The following HDLBP variants were observed in gnomAD, a reference collection of about 807,000 sequenced individuals.
The protein encoded by HDLBP is vigilin.
HDLBP carries 30 observed loss-of-function variants against 137.3 expected under a neutral mutation model. The ratio of observed to expected loss-of-function variants is 0.22; its 90% CI spans 0.16 to 0.30. The LOEUF (loss-of-function observed/expected upper bound fraction) is 0.30. HDLBP is among the 10% of genes least tolerant of loss of function. The pLI, the probability that HDLBP is intolerant of heterozygous loss-of-function variation, is 1.00. For synonymous variants in HDLBP, 606 were observed against 596.0 expected (o/e 1.02, Z -0.24); for missense variants, 1,119 against 1,667.3 (o/e 0.67, Z 5.73).
chr2:241,255,550 C>T lies in HDLBP; in HGVS notation c.904G>A (p.Val302Met). Residue 302 changes from valine to methionine, a missense_variant, in exon 8 of 28, where the codon GTG becomes ATG. Around this residue, in one of 4 missense-constraint regions of HDLBP, gnomAD observed 425 missense variants for 693.9 expected, o/e 0.61. Coordinates refer to ENST00000310931, the MANE Select transcript of HDLBP (RefSeq NM_005336.6). ...ACATACTTGTGTTGGGATTTCTTCA[C>T]TTCCACTGCAATGGTTGTAGTCTTC... ...KKKTTTIAVE[V>M]KKSQHKYVIG... 6.2e-7 allele frequency: 1 copy of T among 1,614,088 alleles called. No individual in the cohort carries two copies. Among genetic ancestry groups the T allele is most frequent in the Non-Finnish European group, 8.5e-7 (1 of 1,179,912 alleles).
At chr2:241,242,423 C>A (rs777647265) in intron 17 of HDLBP, 37 bp downstream of exon 17, 11 of 1,566,974 alleles carry the variant, frequency 7.0e-6, no homozygotes, top group South Asian at 3.4e-5. Flanking sequence ...GAGGACCAGG[C>A]TTCCTGCCAA....
chr2:241,297,847 G>T (rs1049642335), intron 1 of HDLBP, among the ~76,000 whole-genome samples: 2 of 151,878 alleles, frequency 1.3e-5, no homozygotes, highest in African/African-American at 4.8e-5. Flanking sequence ...GAGGTCAGGA[G>T]TTCAAGACCG....
At chr2:241,234,072 T>C (rs1161674979) in intron 23 of HDLBP, 109 bp from the exon 24 acceptor site, 4 of 1,302,322 alleles carry the variant, frequency 3.1e-6, no homozygotes, top group Non-Finnish European at 4.3e-6. Flanking sequence ...CAGTGTTCTG[T>C]AACCCGTGGT....
At chr2:241,249,734 G>C (rs1405095802) in intron 12 of HDLBP, 107 bp downstream of exon 12, 1 of 1,132,162 alleles carries the variant, frequency 8.8e-7, no homozygotes, top group Non-Finnish European at 1.2e-6. Context: ...CGTGGGATTT[G>C]TCGACTTCCA....
Position 241,272,218 on chromosome 2 carries a change from G to A in HDLBP, c.-102-3677C>T. The A allele has an allele frequency of 2.0e-6, 2 of 981,182 alleles. No individual in the cohort carries two copies. Among genetic ancestry groups the A allele is most frequent in the Non-Finnish European group, 2.4e-6 (2 of 826,232 alleles). The allele number at this position is 981,182 out of a possible 1,614,324, so 60.8% of individuals were successfully genotyped here. On this transcript the variant is annotated intron_variant, in intron 1 of 27. Transcript: ENST00000310931. The surrounding 1 kb of genome is among the most constrained non-coding windows in gnomAD (Gnocchi z 5.6). The stretch of plus-strand genomic sequence containing the variant: ...GTGGAGGTGCTGCGGGGGCCCCGCC[G>A]CCCGGTCTGCGCCCAGACCCCCGCC...
chr2:241,288,809 G>A (rs1359671213), intron 1 of HDLBP, among the ~76,000 whole-genome samples: 1 of 152,130 alleles, frequency 6.6e-6, no homozygotes, highest in Non-Finnish European at 1.5e-5. Context: ...CCTGGGAAGG[G>A]GATGGGAACA....
chr2:241,246,898 A>G lies in HDLBP; in HGVS notation c.1819-15T>C. ...TCTTCACGAATCTACAGGGAGAGAG[A>G]TCACCATGAGAAGCTGACTAGAGCT... On this transcript the variant is annotated splice_polypyrimidine_tract_variant and intron_variant, in intron 15 of 27. Coordinates refer to ENST00000310931, the MANE Select transcript of HDLBP (RefSeq NM_005336.6). The G allele has an allele frequency of 2.5e-6, 4 of 1,614,002 alleles. No homozygotes were observed. The highest frequency in any genetic ancestry group is 3.4e-6 in the Non-Finnish European group (4 of 1,179,866).
intron 20 of HDLBP, 126 bp from the exon 21 acceptor site, chr2:241,236,895 C>T (rs1383023715): frequency 1.4e-5 from 13 of 932,522 alleles, no homozygotes; most frequent in Non-Finnish European, 1.6e-5. Flanking sequence ...AAAACCACTC[C>T]TGTCCTTCAG....
At chr2:241,314,544 G>A (rs1559567056) in intron 1 of HDLBP, among the ~76,000 whole-genome samples, 1 of 152,188 alleles carries the variant, frequency 6.6e-6, no homozygotes, top group Non-Finnish European at 1.5e-5. Context: ...AAATCGTCAT[G>A]TTCCTTAAGA....
At chr2:241,260,193 A>T (rs2073040457) in intron 5 of HDLBP, among the ~76,000 whole-genome samples, 1 of 151,850 alleles carries the variant, frequency 6.6e-6, no homozygotes, top group East Asian at 1.9e-4. Context: ...TTTAGTAGAG[A>T]TGGGGTTTCG....
chr2:241,248,008 C>A lies in HDLBP; in HGVS notation c.1726G>T (p.Asp576Tyr), dbSNP rs2071811705. 2 of 1,609,992 alleles carry A rather than the reference C, an allele frequency of 1.2e-6. No homozygotes were observed. The highest frequency in any genetic ancestry group is 1.7e-6 in the Non-Finnish European group (2 of 1,176,274). Residue 576 changes from aspartate (D) to tyrosine (Y), a missense_variant, in exon 14 of 28, where the codon GAT (aspartate) becomes TAT (tyrosine). Physicochemically the swap from Asp to Tyr is radical, Grantham distance 160 (BLOSUM62 -3). Around this residue, in one of 4 missense-constraint regions of HDLBP, gnomAD observed 425 missense variants for 693.9 expected, o/e 0.61. Transcript: ENST00000310931. ...AGGATGTGAAACACCCCTACCAGAT[C>A]TGCCACCATCTTCTGCATGTATTTT... ...CTKYMQKMVA[D>Y]LVENSYSISV...
At position 241,277,263 on chromosome 2, in the gene HDLBP, AGC is replaced by A. The variant is rs1198153502; in HGVS notation, c.-102-8724_-102-8723del. 1.3e-5 allele frequency among the ~76,000 whole-genome samples: 2 copies of A among 152,168 alleles called. 1 individual carries two copies. The highest frequency in any genetic ancestry group is 2.9e-5 in the Non-Finnish European group (2 of 68,028). On this transcript the variant is annotated intron_variant, in intron 1 of 27. Coordinates refer to ENST00000310931, the MANE Select transcript of HDLBP (RefSeq NM_005336.6). ...TAGTGAAGAGGAAAAAAATAAAATAAGCTAATCATCCACTACTGAAACTAGAA... is the reference window on the plus strand; with the variant it reads ...TAGTGAAGAGGAAAAAAATAAAATAATAATCATCCACTACTGAAACTAGAA...
At chr2:241,300,798 G>T (rs2075367809) in intron 1 of HDLBP, among the ~76,000 whole-genome samples, 1 of 152,122 alleles carries the variant, frequency 6.6e-6, no homozygotes, top group South Asian at 2.1e-4. Flanking sequence ...AGTCTGCTGA[G>T]CTCGTTGTGC....
chr2:241,279,625 G>C (rs1346602680), intron 1 of HDLBP, among the ~76,000 whole-genome samples: 1 of 152,132 alleles, frequency 6.6e-6, no homozygotes, highest in African/African-American at 2.4e-5. Flanking sequence ...CAGGGAGATG[G>C]ATGATGCAAT....
intron 16 of HDLBP, among the ~76,000 whole-genome samples, chr2:241,243,346 C>A (rs1175723223): frequency 6.6e-6 from 1 of 152,202 alleles, no homozygotes; most frequent in Non-Finnish European, 1.5e-5. Flanking sequence ...GGGAAAGAAT[C>A]CCCAGAAGGA....
At chr2:241,236,281 G>C (rs943152107) in intron 21 of HDLBP, 6 of 340,202 alleles carry the variant, frequency 1.8e-5, no homozygotes, top group Non-Finnish European at 2.7e-5. Flanking sequence ...ACTCACGCGG[G>C]GGGAGACGTT....
intron 1 of HDLBP, among the ~76,000 whole-genome samples, chr2:241,310,430 C>G (rs2075724643): frequency 6.6e-6 from 1 of 152,132 alleles, no homozygotes; most frequent in East Asian, 1.9e-4. Flanking sequence ...GCTTTCACCA[C>G]AAAAAACTTA....
chr2:241,293,641 C>T (rs1255981134), intron 1 of HDLBP, among the ~76,000 whole-genome samples: 1 of 150,622 alleles, frequency 6.6e-6, no homozygotes, highest in African/African-American at 2.4e-5. Flanking sequence ...CAAAACAGGC[C>T]AAGTGCAGTG....
chr2:241,314,765 T>C (rs774507211), intron 1 of HDLBP, among the ~76,000 whole-genome samples: 1 of 152,078 alleles, frequency 6.6e-6, no homozygotes, highest in Non-Finnish European at 1.5e-5. Flanking sequence ...CGCACAAAAA[T>C]ACCCTAGCAA....
Sources: allele counts gnomAD v4.1 joint callset (sites outside exome capture counted in the v4.1 genomes callset), GRCh38; gene constraint gnomAD v4.1.1; regional missense constraint gnomAD v4.1.1; non-coding constraint Gnocchi (gnomAD v3.1); transcripts MANE v1.5; gene names NCBI Gene and HGNC (gene_info 2026-07-23, HGNC 2026-07-21).